KCNH8: variants seen among roughly 807,000 people sequenced by gnomAD.
KCNH8 encodes the protein voltage-gated delayed rectifier potassium channel KCNH8.
A neutral mutation model predicts 103.6 loss-of-function variants in KCNH8; 70 were observed. The observed-to-expected ratio is 0.68, with a 90% CI of 0.56 to 0.82. The LOEUF is 0.82. Ranked by LOEUF, KCNH8 falls within the 40% of genes least tolerant of loss-of-function variation. The probability of loss-of-function intolerance (pLI) is 0.00; values close to 1 mark genes in which losing one functional copy is unlikely to be tolerated. For synonymous variants in KCNH8, 498 were observed against 489.4 expected (o/e 1.02, Z -0.23); for missense variants, 1,217 against 1,329.9 (o/e 0.92, Z 1.32).
intron 1 of KCNH8, among the ~76,000 whole-genome samples, chr3:19,161,181 C>T (rs1308108490): frequency 6.6e-6 from 1 of 152,096 alleles, no homozygotes; most frequent in Non-Finnish European, 1.5e-5. Flanking sequence ...AAAAGCATTA[C>T]ATTTGTGGGT....
chr3:19,378,617 T>A (rs2066244807), intron 5 of KCNH8, among the ~76,000 whole-genome samples: 1 of 152,210 alleles, frequency 6.6e-6, no homozygotes, highest in Non-Finnish European at 1.5e-5. Context: ...TTAAGGAACA[T>A]AACAATATGA....
chr3:19,151,068 T>C (rs1326762868), intron 1 of KCNH8, among the ~76,000 whole-genome samples: 2 of 152,084 alleles, frequency 1.3e-5, no homozygotes, highest in Non-Finnish European at 2.9e-5. Context: ...AAACTTAAAA[T>C]ACCTTAAACA....
At chr3:19,521,155 G>C (rs2068964938) in intron 15 of KCNH8, among the ~76,000 whole-genome samples, 1 of 151,968 alleles carries the variant, frequency 6.6e-6, no homozygotes, top group African/African-American at 2.4e-5. Flanking sequence ...GTGAAGGTTA[G>C]AGTGCATTCT....
At chr3:19,223,792 C>A (rs994960165) in intron 1 of KCNH8, among the ~76,000 whole-genome samples, 7 of 152,098 alleles carry the variant, frequency 4.6e-5, no homozygotes, top group Non-Finnish European at 8.8e-5. Context: ...CACCACTTGC[C>A]ATTTTCTTCT....
rs2125190976 is a variant in KCNH8 at position 19,459,505 on chromosome 3, C to T, written c.2040+2523C>T. ...GTTTATGTATTTTGCATATTAACTC[C>T]TTATCAGATGTATGATTTGCAAATA... On this transcript the variant is annotated intron_variant, in intron 11 of 15. Coordinates refer to ENST00000328405, the MANE Select transcript of KCNH8 (RefSeq NM_144633.3). 1.3e-5 allele frequency among the ~76,000 whole-genome samples: 2 copies of T among 151,984 alleles called. 1 individual carries two copies. The highest frequency in any genetic ancestry group is 3.9e-4 in the East Asian group (2 of 5,178).
chr3:19,310,213 A>G (rs1235075575), intron 3 of KCNH8, among the ~76,000 whole-genome samples: 1 of 151,920 alleles, frequency 6.6e-6, no homozygotes, highest in Admixed American at 6.6e-5. Flanking sequence ...GAGATGGAAG[A>G]ATTTTCCTTT....
At chr3:19,449,327 G>T (rs1360507736) in intron 8 of KCNH8, among the ~76,000 whole-genome samples, 2 of 150,146 alleles carry the variant, frequency 1.3e-5, no homozygotes, top group Non-Finnish European at 1.5e-5. Context: ...TACCCTGCTG[G>T]TGCATCTCAT....
intron 1 of KCNH8, among the ~76,000 whole-genome samples, chr3:19,232,771 C>T (rs574418661): frequency 2.0e-5 from 3 of 152,298 alleles, no homozygotes; most frequent in African/African-American, 7.2e-5. Context: ...GAAAGATGCC[C>T]TGTAGCACCT....
At chr3:19,409,818 C>T (rs2066749312) in intron 7 of KCNH8, among the ~76,000 whole-genome samples, 1 of 148,756 alleles carries the variant, frequency 6.7e-6, no homozygotes. Flanking sequence ...AACAAGAAGA[C>T]TTGACTATCA....
intron 9 of KCNH8, chr3:19,450,614 G>A: frequency 2.9e-6 from 1 of 339,482 alleles, no homozygotes; most frequent in Non-Finnish European, 5.5e-6. Flanking sequence ...TGTAATCTGG[G>A]ATAATTATAT....
chr3:19,344,415 C>CA (rs1275152426), intron 4 of KCNH8, among the ~76,000 whole-genome samples: 1 of 151,926 alleles, frequency 6.6e-6, no homozygotes, highest in Non-Finnish European at 1.5e-5. Flanking sequence ...AATCTGATTT[C>CA]AAAAAAACTA....
intron 11 of KCNH8, among the ~76,000 whole-genome samples, chr3:19,491,226 A>G (rs565344142): frequency 1.3e-5 from 2 of 152,202 alleles, no homozygotes; most frequent in Non-Finnish European, 2.9e-5. Context: ...TTCAGCCTTT[A>G]TTTTAGATAG....
At chr3:19,421,348 C>T (rs565124477) in intron 7 of KCNH8, among the ~76,000 whole-genome samples, 2 of 152,088 alleles carry the variant, frequency 1.3e-5, no homozygotes, top group African/African-American at 4.8e-5. Context: ...ATGTTTTTGT[C>T]TTCACTGTCT....
intron 3 of KCNH8, among the ~76,000 whole-genome samples, chr3:19,335,506 T>C (rs1004830358): frequency 2.8e-5 from 4 of 145,282 alleles, no homozygotes; most frequent in African/African-American, 7.7e-5. Flanking sequence ...TATATATATA[T>C]ATACTTTTTA....
intron 11 of KCNH8, among the ~76,000 whole-genome samples, chr3:19,497,632 A>G (rs1467863337): frequency 1.3e-5 from 2 of 152,074 alleles, no homozygotes; most frequent in African/African-American, 4.8e-5. Context: ...ATTTCTTTGA[A>G]TTTGCTGAGG....
At chr3:19,151,952 T>C (rs1434415609) in intron 1 of KCNH8, among the ~76,000 whole-genome samples, 1 of 152,072 alleles carries the variant, frequency 6.6e-6, no homozygotes, top group East Asian at 1.9e-4. Flanking sequence ...TTAGAAAAAC[T>C]AAGAACCTTA....
intron 1 of KCNH8, among the ~76,000 whole-genome samples, chr3:19,234,234 C>T (rs1575456265): frequency 6.6e-6 from 1 of 152,188 alleles, no homozygotes; most frequent in South Asian, 2.1e-4. Context: ...TAGTGGATCC[C>T]GCACCGGGGC....
chr3:19,215,187 G>A (rs56751850), intron 1 of KCNH8, among the ~76,000 whole-genome samples: 1 of 152,172 alleles, frequency 6.6e-6, no homozygotes, highest in Non-Finnish European at 1.5e-5. Flanking sequence ...TTGGGGTAGA[G>A]TAGTTCTCCA....
chr3:19,346,748 G>A (rs1470696108), intron 4 of KCNH8: 5 of 453,190 alleles, frequency 1.1e-5, no homozygotes, highest in Admixed American at 7.1e-5. Flanking sequence ...ATATGTATTC[G>A]GGAATTTATA....
Sources: allele counts gnomAD v4.1 joint callset (sites outside exome capture counted in the v4.1 genomes callset), GRCh38; gene constraint gnomAD v4.1.1; transcripts MANE v1.5; gene names NCBI Gene and HGNC (gene_info 2026-07-23, HGNC 2026-07-21).